The following CNTN5 variants were observed in gnomAD, a reference collection of about 807,000 sequenced individuals.
CNTN5 encodes the protein contactin 5, also known as contactin-5.
In CNTN5, 77 loss-of-function variants were observed where a neutral mutation model predicts 129.1. The ratio of observed to expected loss-of-function variants is 0.60; its 90% confidence interval spans 0.50 to 0.72. CNTN5 has a LOEUF of 0.72. Among genes scored for constraint, CNTN5 ranks in the 30% least tolerant of loss-of-function variants. The pLI is 0.00. For synonymous variants in CNTN5, 509 were observed against 465.6 expected, an observed-to-expected ratio of 1.09 and a Z score of -1.20; for missense variants, 1,478 against 1,328.8, an observed-to-expected ratio of 1.11 and a Z score of -1.75.
At chr11:99,686,425 A>G (rs773867784) in intron 3 of CNTN5, among the ~76,000 whole-genome samples, 9 of 151,980 alleles carry the variant, frequency 5.9e-5, no homozygotes, top group Non-Finnish European at 8.8e-5. Flanking sequence ...TTTATTTTCT[A>G]TATTAGTTCT....
intron 3 of CNTN5, among the ~76,000 whole-genome samples, chr11:99,761,459 C>T (rs1944579127): frequency 6.6e-6 from 1 of 151,914 alleles, no homozygotes; most frequent in Non-Finnish European, 1.5e-5. Flanking sequence ...TGTTCCCCTT[C>T]GTGTGTCCAT....
chr11:99,047,264 C>A (rs1432502236), intron 1 of CNTN5, among the ~76,000 whole-genome samples: 2 of 151,418 alleles, frequency 1.3e-5, no homozygotes, highest in Admixed American at 6.6e-5. Flanking sequence ...ATCTTCATAG[C>A]CTTTTATATT....
At chr11:99,843,925 G>A (rs969931962) in intron 4 of CNTN5, among the ~76,000 whole-genome samples, 1 of 152,150 alleles carries the variant, frequency 6.6e-6, no homozygotes, top group Non-Finnish European at 1.5e-5. Context: ...CGCACACGAT[G>A]CTCTGAATGC....
intron 1 of CNTN5, among the ~76,000 whole-genome samples, chr11:99,024,099 T>A (rs1863005287): frequency 6.6e-6 from 1 of 152,136 alleles, no homozygotes; most frequent in Non-Finnish European, 1.5e-5. Context: ...TAACTCCACA[T>A]TAGAGGCTGG....
chr11:100,244,070 A>T (rs546115692), intron 16 of CNTN5, among the ~76,000 whole-genome samples: 5 of 152,076 alleles, frequency 3.3e-5, no homozygotes, highest in Non-Finnish European at 5.9e-5. Context: ...GTTCAAAAAA[A>T]AATGTACTGG....
At chr11:99,809,079 C>G (rs1362576823) in intron 3 of CNTN5, among the ~76,000 whole-genome samples, 1 of 152,316 alleles carries the variant, frequency 6.6e-6, no homozygotes, top group African/African-American at 2.4e-5. Context: ...AGACACACAT[C>G]TGCCCAAGAT....
At chr11:99,681,785 A>G (rs1259730976) in intron 3 of CNTN5, among the ~76,000 whole-genome samples, 1 of 152,074 alleles carries the variant, frequency 6.6e-6, no homozygotes, top group Non-Finnish European at 1.5e-5. Flanking sequence ...CTATATATTG[A>G]AAAACTACAC....
intron 17 of CNTN5, among the ~76,000 whole-genome samples, chr11:100,267,140 A>G (rs964986065): frequency 6.6e-6 from 1 of 152,116 alleles, no homozygotes; most frequent in Non-Finnish European, 1.5e-5. Flanking sequence ...TCAGGCTGCT[A>G]TAACAAAATT....
chr11:99,521,555 A>G (rs1019526521), intron 2 of CNTN5, among the ~76,000 whole-genome samples: 1 of 152,214 alleles, frequency 6.6e-6, no homozygotes, highest in Non-Finnish European at 1.5e-5. Context: ...AATGTGAGTC[A>G]TCCTTTCTTT....
intron 13 of CNTN5, among the ~76,000 whole-genome samples, chr11:100,076,694 G>A (rs958717493): frequency 6.6e-6 from 1 of 151,672 alleles, no homozygotes; most frequent in Non-Finnish European, 1.5e-5. Flanking sequence ...ATTTATTCAA[G>A]TAAAAGCAAG....
intron 13 of CNTN5, among the ~76,000 whole-genome samples, chr11:100,150,709 A>G (rs1947026726): frequency 6.6e-6 from 1 of 152,016 alleles, no homozygotes; most frequent in South Asian, 2.1e-4. Flanking sequence ...AACACAACTT[A>G]GTTTTCTAGC....
rs577491241 is a variant in CNTN5, at chr11:99,235,787, C to G, written c.-209-89559C>G. On this transcript the variant is annotated intron_variant, in intron 1 of 24. Coordinates refer to ENST00000524871, the MANE Select transcript of CNTN5 (RefSeq NM_014361.4). ...AAAATGTCCTATGAGGAATACTTAA[C>G]TGACAGTGGCAATTGTCTGGAATGC... Among the ~76,000 whole-genome samples the G allele has an allele frequency of 1.3e-3, 199 of 152,280 alleles. 4 individuals carry two copies. The highest frequency in any genetic ancestry group is 6.8e-3 in the Middle Eastern group (2 of 294).
At chr11:99,965,361 C>A (rs1400632644) in intron 8 of CNTN5, among the ~76,000 whole-genome samples, 1 of 151,800 alleles carries the variant, frequency 6.6e-6, no homozygotes, top group African/African-American at 2.4e-5. Flanking sequence ...GTATTTGTGT[C>A]TTTGTTCTCG....
chr11:99,898,521 A>G (rs995794468), intron 6 of CNTN5, among the ~76,000 whole-genome samples: 1 of 152,058 alleles, frequency 6.6e-6, no homozygotes, highest in African/African-American at 2.4e-5. Flanking sequence ...CATTCACTCA[A>G]TCACTGCTTC....
In CNTN5 at chr11:99,770,635, TA is replaced by T. The variant is rs779847961; in HGVS notation, c.56-48908del. Among the ~76,000 whole-genome samples, 43 of 152,214 alleles carry T rather than the reference TA, an allele frequency of 2.8e-4. 2 individuals are homozygous for T. The highest frequency in any genetic ancestry group is 6.8e-3 in the Middle Eastern group (2 of 294). On this transcript the variant is annotated intron_variant, in intron 3 of 24. Transcript: ENST00000524871. ...TTTTGAATTTCTTTCATCAATGTCT[TA>T]GTTTGTAATGCACAGATCTTTCATA...
chr11:99,273,125 A>C (rs1175477011), intron 1 of CNTN5, among the ~76,000 whole-genome samples: 1 of 151,782 alleles, frequency 6.6e-6, no homozygotes, highest in Non-Finnish European at 1.5e-5. Flanking sequence ...ACCACTAATT[A>C]GATACGTAAA....
intron 3 of CNTN5, among the ~76,000 whole-genome samples, chr11:99,609,144 A>C (rs979127837): frequency 1.3e-5 from 2 of 152,194 alleles, no homozygotes; most frequent in African/African-American, 4.8e-5. Context: ...ATAAAACTCC[A>C]GTTAGAATTC....
At chr11:99,934,914 A>ATATATATATATATATG in intron 7 of CNTN5, among the ~76,000 whole-genome samples, 1 of 24,878 alleles carries the variant, frequency 4.0e-5, no homozygotes, top group Admixed American at 3.1e-4. Context: ...ATATATATAT[A>ATATATATATATATATG]TATATATATA....
intron 9 of CNTN5, among the ~76,000 whole-genome samples, chr11:100,013,366 A>C (rs1301514592): frequency 6.6e-6 from 1 of 152,178 alleles, no homozygotes; most frequent in Non-Finnish European, 1.5e-5. Flanking sequence ...TAGTATATCC[A>C]TCAGAAGTTT....
Sources: allele counts gnomAD v4.1 joint callset (sites outside exome capture counted in the v4.1 genomes callset), GRCh38; gene constraint gnomAD v4.1.1; transcripts MANE v1.5; gene names NCBI Gene and HGNC (gene_info 2026-07-23, HGNC 2026-07-21).